DEPTOR: variants seen among roughly 807,000 people sequenced by gnomAD.
DEPTOR encodes the protein DEP domain-containing mTOR-interacting protein.
Under a neutral mutation model 41.6 loss-of-function variants are expected in DEPTOR, and 41 were observed. The ratio of observed to expected loss-of-function variants is 0.98; its 90% CI spans 0.77 to 1.28. The LOEUF is 1.28. DEPTOR is among the 50% of genes most tolerant of loss of function. The probability of loss-of-function intolerance (pLI) is 0.00; values close to 1 mark genes in which losing one functional copy is unlikely to be tolerated. For synonymous variants in DEPTOR, 195 were observed against 192.3 expected, an observed-to-expected ratio of 1.01 and a Z score of -0.12; for missense variants, 514 against 527.9, an observed-to-expected ratio of 0.97 and a Z score of 0.26.
intron 1 of DEPTOR, 130 bp downstream of exon 1, chr8:119,874,098 C>T: frequency 6.7e-7 from 1 of 1,486,376 alleles, no homozygotes; most frequent in South Asian, 1.2e-5. Flanking sequence ...GCTGCGGGCG[C>T]GTGGATGGTC....
Position 119,952,135 on chromosome 8 carries a change from C to CA in DEPTOR, c.426-13088dup, listed in dbSNP as rs372128605. Among the ~76,000 whole-genome samples, 79 of 139,784 alleles carry CA rather than the reference C, an allele frequency of 5.7e-4. 3 individuals are homozygous for CA. Among genetic ancestry groups the CA allele is most frequent in the Non-Finnish European group, 2.0e-4 (13 of 64,162 alleles). 91.7% of individuals were successfully genotyped at this position (139,784 alleles called of 152,430 possible). ...TGGGCGACAGAGTGAAACTCTGTCT[C>CA]AAAAAAAAAGAGGAAGTCAAAGAAT... On this transcript the variant is annotated intron_variant, in intron 3 of 8. Coordinates refer to ENST00000286234, the MANE Select transcript of DEPTOR (RefSeq NM_022783.4).
At chr8:120,018,610 G>T (rs886262033) in intron 8 of DEPTOR, among the ~76,000 whole-genome samples, 9 of 152,182 alleles carry the variant, frequency 5.9e-5, no homozygotes, top group African/African-American at 2.2e-4. Context: ...CTTTCCAGTG[G>T]AGTTCAGGAA....
At chr8:119,911,914 G>C (rs561283866) in intron 1 of DEPTOR, among the ~76,000 whole-genome samples, 1 of 152,262 alleles carries the variant, frequency 6.6e-6, no homozygotes, top group South Asian at 2.1e-4. Flanking sequence ...TTATACTCAC[G>C]AAGTGTCATT....
chr8:119,905,339 C>T (rs182574823), intron 1 of DEPTOR, among the ~76,000 whole-genome samples: 110 of 152,256 alleles, frequency 7.2e-4, no homozygotes, highest in African/African-American at 2.6e-3. Context: ...ATGGAAGTGA[C>T]AGACTACCTG....
chr8:120,032,501 G>A (rs571154818), intron 8 of DEPTOR, among the ~76,000 whole-genome samples: 11 of 152,192 alleles, frequency 7.2e-5, no homozygotes, highest in Admixed American at 2.0e-4. Context: ...GATTACAGGC[G>A]TGAGTTACCA....
chr8:119,879,059 G>A (rs571444707), intron 1 of DEPTOR, among the ~76,000 whole-genome samples: 1 of 151,778 alleles, frequency 6.6e-6, no homozygotes, highest in African/African-American at 2.4e-5. Context: ...GTAGTGAGCC[G>A]AGATCGCGCC....
chr8:119,941,820 G>A (rs1372991232), intron 3 of DEPTOR, among the ~76,000 whole-genome samples: 1 of 152,228 alleles, frequency 6.6e-6, no homozygotes, highest in Non-Finnish European at 1.5e-5. Flanking sequence ...GAAAGTGTGG[G>A]AGAGCATCTT....
At chr8:119,922,278 T>G (rs1265118216) in intron 1 of DEPTOR, among the ~76,000 whole-genome samples, 1 of 151,956 alleles carries the variant, frequency 6.6e-6, no homozygotes, top group Admixed American at 6.6e-5. Flanking sequence ...ATAATTCTCT[T>G]AGGTTGGAAA....
chr8:119,951,034 C>T (rs1199811841), intron 3 of DEPTOR, among the ~76,000 whole-genome samples: 1 of 151,732 alleles, frequency 6.6e-6, no homozygotes, highest in East Asian at 1.9e-4. Flanking sequence ...GGTCACACCA[C>T]TGACGGGGTT....
rs1813208297 is a variant in DEPTOR, at chr8:120,049,782, T to C, written c.*78T>C. On this transcript the variant is annotated 3_prime_UTR_variant, in exon 9 of 9. Transcript: ENST00000286234. ...GACACAAAGCAATGCAAAGACAAGA[T>C]TGCCATGCAAATGGATGGTTTTGGA... 4 of 1,569,856 alleles carry C rather than the reference T, an allele frequency of 2.5e-6. No individual in the cohort carries two copies. The South Asian group carries it at 4.7e-5, about 18-fold the overall frequency.
At chr8:119,993,892 C>T (rs1812212688) in intron 4 of DEPTOR, among the ~76,000 whole-genome samples, 3 of 151,740 alleles carry the variant, frequency 2.0e-5, no homozygotes, top group African/African-American at 7.3e-5. Context: ...TGCGGTGGCT[C>T]ACACCTGTAA....
In DEPTOR at chr8:119,970,957, A is replaced by G. The variant is rs146324260; in HGVS notation, c.604+5547A>G. Among the ~76,000 whole-genome samples the G allele has an allele frequency of 6.9e-3, 1,047 of 152,316 alleles. 15 individuals carry two copies. Among genetic ancestry groups the G allele is most frequent in the African/African-American group, 0.023 (959 of 41,576 alleles). ...AGGTTGGCTGAAAAATCGGCCGGGCACAGTGGCTCACACCCGTAATCCCAG... is the reference window on the plus strand; with the variant it reads ...AGGTTGGCTGAAAAATCGGCCGGGCGCAGTGGCTCACACCCGTAATCCCAG... On this transcript the variant is annotated intron_variant, in intron 4 of 8. Coordinates refer to ENST00000286234, the MANE Select transcript of DEPTOR (RefSeq NM_022783.4).
intron 1 of DEPTOR, among the ~76,000 whole-genome samples, chr8:119,906,928 T>C (rs1827671124): frequency 6.6e-6 from 1 of 152,132 alleles, no homozygotes; most frequent in African/African-American, 2.4e-5. Context: ...GTGCCTGTGG[T>C]GAGTGATTAA....
At chr8:119,941,939 T>A (rs1828209353) in intron 3 of DEPTOR, among the ~76,000 whole-genome samples, 1 of 152,178 alleles carries the variant, frequency 6.6e-6, no homozygotes, top group Admixed American at 6.5e-5. Context: ...TGCAGCTTAA[T>A]CAATTTTTAA....
chr8:119,906,541 G>GC (rs1827666392), intron 1 of DEPTOR, among the ~76,000 whole-genome samples: 1 of 152,100 alleles, frequency 6.6e-6, no homozygotes, highest in Admixed American at 6.6e-5. Context: ...TTGGTCTTAG[G>GC]CCCCTCCTTT....
intron 3 of DEPTOR, among the ~76,000 whole-genome samples, chr8:119,951,546 A>C (rs1159663372): frequency 6.6e-6 from 1 of 152,216 alleles, no homozygotes; most frequent in Non-Finnish European, 1.5e-5. Flanking sequence ...CCAGAATATC[A>C]GTCTCTTCAG....
intron 4 of DEPTOR, among the ~76,000 whole-genome samples, chr8:119,969,350 G>GTTTTTTTTT (rs779368330): frequency 7.2e-6 from 1 of 139,116 alleles, no homozygotes; most frequent in African/African-American, 2.8e-5. Context: ...AATCTGTTTT[G>GTTTTTTTTT]TTTTTTTTTG....
intron 8 of DEPTOR, among the ~76,000 whole-genome samples, chr8:120,045,827 T>C (rs146950043): frequency 4.5e-4 from 68 of 152,304 alleles, no homozygotes; most frequent in African/African-American, 1.6e-3. Flanking sequence ...TCCCAGGGCT[T>C]TTAGGCAGTC....
chr8:120,021,142 C>T (rs1037056594), intron 8 of DEPTOR, among the ~76,000 whole-genome samples: 8 of 50,912 alleles, frequency 1.6e-4, no homozygotes, highest in African/African-American at 2.4e-4. Context: ...TGCGGTGGCT[C>T]ACATAATCCT....
Sources: allele counts gnomAD v4.1 joint callset (sites outside exome capture counted in the v4.1 genomes callset), GRCh38; gene constraint gnomAD v4.1.1; transcripts MANE v1.5; gene names NCBI Gene and HGNC (gene_info 2026-07-23, HGNC 2026-07-21).